The following GAS7 variants were observed in gnomAD, a reference collection of about 807,000 sequenced individuals.
GAS7 encodes growth arrest specific 7.
GAS7 carries 28 observed loss-of-function variants against 71.1 expected under a neutral mutation model. That is an observed-to-expected ratio of 0.39 (90% confidence interval 0.29 to 0.54). The LOEUF (loss-of-function observed/expected upper bound fraction) is 0.54, where lower values mean the gene tolerates loss of function less well. Among genes scored for constraint, GAS7 ranks in the 20% least tolerant of loss-of-function variants. The pLI, the probability that GAS7 is intolerant of heterozygous loss-of-function variation, is 0.62. For synonymous variants in GAS7, 258 were observed against 245.8 expected, an observed-to-expected ratio of 1.05 and a Z score of -0.46; for missense variants, 436 against 627.8, an observed-to-expected ratio of 0.69 and a Z score of 3.27.
rs966473614 is a variant in GAS7, at chr17:10,115,026, T to C, written c.183+83182A>G. ...CATGCTCCAAGCTGTCCTCTGTCTG[T>C]CTGTCTGTCTGGCTGGCTGGCTGGC... On this transcript the variant is annotated intron_variant, in intron 1 of 13. Transcript: ENST00000432992. Among the ~76,000 whole-genome samples the C allele has an allele frequency of 2.0e-5, 3 of 152,176 alleles. No homozygotes were observed. In the East Asian group the frequency reaches 5.8e-4, roughly 29 times the overall value.
intron 1 of GAS7, among the ~76,000 whole-genome samples, chr17:10,136,895 G>A (rs532190403): frequency 3.3e-4 from 50 of 151,232 alleles, no homozygotes; most frequent in Non-Finnish European, 6.2e-4. Context: ...GCTGAGGCAG[G>A]AGGATCACCT....
intron 1 of GAS7, among the ~76,000 whole-genome samples, chr17:10,076,836 C>T (rs189226724): frequency 6.5e-4 from 71 of 109,076 alleles, no homozygotes; most frequent in African/African-American, 2.8e-3. Context: ...GAGAAAACAG[C>T]GCATATCACC....
chr17:9,933,377 G>A lies in GAS7; in HGVS notation c.885+789C>T, dbSNP rs142340840. Among the ~76,000 whole-genome samples, 1,067 of 152,208 alleles carry A rather than the reference G, an allele frequency of 7.0e-3. 1 individual carries two copies. Among genetic ancestry groups the A allele is most frequent in the Middle Eastern group, 0.017 (5 of 294 alleles). On this transcript the variant is annotated intron_variant, in intron 9 of 13. Coordinates refer to ENST00000432992, the MANE Select transcript of GAS7 (RefSeq NM_201433.2). ...CCAGGCAAAAAGAAAGCAGGGCTTC[G>A]TCACTCAGGGGCTGCCCTGAGAAAC... is the stretch of plus-strand genomic sequence containing the variant.
chr17:10,196,991 C>T (rs539868407), intron 1 of GAS7, among the ~76,000 whole-genome samples: 2 of 152,266 alleles, frequency 1.3e-5, no homozygotes, highest in East Asian at 1.9e-4. Flanking sequence ...AAAGCTCATT[C>T]CAGCAGCCCC....
At chr17:10,042,817 G>T (rs181031352) in intron 1 of GAS7, among the ~76,000 whole-genome samples, 354 of 152,348 alleles carry the variant, frequency 2.3e-3, no homozygotes, top group Non-Finnish European at 3.9e-3. Flanking sequence ...GCAGAATAAG[G>T]TTTGATAAAG....
Position 10,016,384 on chromosome 17 carries a change from C to CAA in GAS7, c.304+3391_304+3392dup, listed in dbSNP as rs1217937101. On this transcript the variant is annotated intron_variant, in intron 2 of 13. Coordinates refer to ENST00000432992, the MANE Select transcript of GAS7 (RefSeq NM_201433.2). ...TGGGTGAAAGAGCGAGACTCCGTCT[C>CAA]AAAAAAAAAAAAAAAAAAAGAGTTA... is the stretch of plus-strand genomic sequence containing the variant. Among the ~76,000 whole-genome samples, 130 of 71,154 alleles carry CAA rather than the reference C, an allele frequency of 1.8e-3. 3 individuals are homozygous for CAA. The highest frequency in any genetic ancestry group is 3.4e-3 in the African/African-American group (63 of 18,598). The allele number at this position is 71,154 out of a possible 152,430, so 46.7% of individuals were successfully genotyped here. A position where few individuals can be genotyped will look rare whatever the true frequency, so the allele number is the denominator to read the frequency against.
intron 1 of GAS7, among the ~76,000 whole-genome samples, chr17:10,186,669 G>T (rs1473337386): frequency 1.3e-5 from 2 of 152,134 alleles, no homozygotes; most frequent in African/African-American, 4.8e-5. Flanking sequence ...GCCTCCCAAA[G>T]TGCTGGGATT....
rs2069389250 is a variant in GAS7, at chr17:9,959,431, C to T, written c.472-176G>A. On this transcript the variant is annotated intron_variant, in intron 4 of 13. Transcript: ENST00000432992. This position sits in a 1 kb window ranked among gnomAD's most constrained non-coding sequence, Gnocchi z 5.0. ...GGGGTCTCCCTGACCCCACGCTGTT[C>T]CCACGCCCAGCTCTCGGGCTGAAGG... 6.9e-7 allele frequency: 1 copy of T among 1,446,486 alleles called. No individual in the cohort carries two copies. The highest frequency in any genetic ancestry group is 1.5e-5 in the South Asian group (1 of 68,840). 89.6% of individuals were successfully genotyped at this position (1,446,486 alleles called of 1,614,324 possible). A position where few individuals can be genotyped will look rare whatever the true frequency, so the allele number is the denominator to read the frequency against.
At chr17:9,966,960 C>T (rs1199544012) in intron 4 of GAS7, among the ~76,000 whole-genome samples, 2 of 152,202 alleles carry the variant, frequency 1.3e-5, no homozygotes, top group African/African-American at 2.4e-5. Context: ...ATTCTACCTC[C>T]TGATCCTGGG....
chr17:10,127,201 T>A (rs551842136), intron 1 of GAS7, among the ~76,000 whole-genome samples: 91 of 152,330 alleles, frequency 6.0e-4, no homozygotes, highest in Non-Finnish European at 2.1e-4. Context: ...TCCACGGCTC[T>A]GGACAGTGAG....
intron 1 of GAS7, among the ~76,000 whole-genome samples, chr17:10,181,571 T>A (rs2074417126): frequency 6.6e-6 from 1 of 151,992 alleles, no homozygotes; most frequent in Non-Finnish European, 1.5e-5. Context: ...TGCACGTGAA[T>A]AAATAGCTAA....
At chr17:9,966,697 C>T (rs1311041181) in intron 4 of GAS7, among the ~76,000 whole-genome samples, 1 of 151,992 alleles carries the variant, frequency 6.6e-6, no homozygotes, top group African/African-American at 2.4e-5. Flanking sequence ...CAAACCAGGA[C>T]AAAAAGTAGT....
At chr17:10,145,349 CA>C (rs1275851894) in intron 1 of GAS7, among the ~76,000 whole-genome samples, 1 of 152,228 alleles carries the variant, frequency 6.6e-6, no homozygotes, top group East Asian at 1.9e-4. Context: ...TCCTCTGGAG[CA>C]AGTCATGCCT....
At chr17:10,190,100 G>A (rs746320617) in intron 1 of GAS7, among the ~76,000 whole-genome samples, 1 of 152,204 alleles carries the variant, frequency 6.6e-6, no homozygotes, top group African/African-American at 2.4e-5. Flanking sequence ...TTGCACTACA[G>A]CAGCAGAGTG....
At position 10,034,955 on chromosome 17, in the gene GAS7, G is replaced by A. The variant is rs986446059; in HGVS notation, c.184-15058C>T. ...GCATCACCCTGGATGCACCAAAGGC[G>A]GGTTCCAGTGGAATTTTTCTGGGCC... On this transcript the variant is annotated intron_variant, in intron 1 of 13. Transcript: ENST00000432992. The surrounding 1 kb of genome is among the most constrained non-coding windows in gnomAD (Gnocchi z 4.4). Among the ~76,000 whole-genome samples the A allele has an allele frequency of 6.6e-5, 10 of 152,130 alleles. No homozygotes were observed. Among genetic ancestry groups the A allele is most frequent in the African/African-American group, 1.9e-4 (8 of 41,424 alleles).
intron 5 of GAS7, among the ~76,000 whole-genome samples, chr17:9,956,600 C>T (rs564257840): frequency 2.8e-4 from 43 of 152,270 alleles, no homozygotes; most frequent in East Asian, 1.9e-4. Context: ...CCAGGGACAG[C>T]GGAAACAAGA....
At chr17:10,172,025 G>A (rs2074338433) in intron 1 of GAS7, among the ~76,000 whole-genome samples, 1 of 152,182 alleles carries the variant, frequency 6.6e-6, no homozygotes, top group African/African-American at 2.4e-5. Flanking sequence ...ACACAGGACA[G>A]CGGATGATCT....
chr17:9,921,775 C>T (rs1033546531), intron 11 of GAS7, among the ~76,000 whole-genome samples: 14 of 151,926 alleles, frequency 9.2e-5, no homozygotes, highest in South Asian at 4.2e-4. Flanking sequence ...CTGGCTAACA[C>T]GGTGAAACCC....
At chr17:10,100,839 T>G (rs117586521) in intron 1 of GAS7, among the ~76,000 whole-genome samples, 2 of 152,342 alleles carry the variant, frequency 1.3e-5, no homozygotes, top group East Asian at 1.9e-4. Context: ...CTGAGAAGAT[T>G]GCTAAGCTAG....
Sources: allele counts gnomAD v4.1 joint callset (sites outside exome capture counted in the v4.1 genomes callset), GRCh38; gene constraint gnomAD v4.1.1; non-coding constraint Gnocchi (gnomAD v3.1); transcripts MANE v1.5; gene names NCBI Gene and HGNC (gene_info 2026-07-23, HGNC 2026-07-21).